FCHSD2: variants seen among roughly 807,000 people sequenced by gnomAD.
FCHSD2 encodes F-BAR and double SH3 domains protein 2.
FCHSD2 carries 38 observed loss-of-function variants against 108.1 expected under a neutral mutation model. The observed-to-expected ratio is 0.35, with a 90% CI of 0.27 to 0.46. The LOEUF is 0.46. Ranked by LOEUF, FCHSD2 falls within the 20% of genes least tolerant of loss-of-function variation. The pLI, the probability that FCHSD2 is intolerant of heterozygous loss-of-function variation, is 1.00. For missense variants in FCHSD2, 751 were observed against 897.8 expected, an observed-to-expected ratio of 0.84 and a Z score of 2.09; for synonymous variants, 279 against 314.7, an observed-to-expected ratio of 0.89 and a Z score of 1.20.
chr11:72,867,672 A>G (rs994284758), intron 13 of FCHSD2, among the ~76,000 whole-genome samples, 193 bp downstream of exon 13: 3 of 152,202 alleles, frequency 2.0e-5, no homozygotes, highest in Non-Finnish European at 4.4e-5. Flanking sequence ...ATTAAAAAAA[A>G]CACTCATTTT....
chr11:73,033,911 G>A (rs775685246), intron 3 of FCHSD2, among the ~76,000 whole-genome samples: 2 of 151,838 alleles, frequency 1.3e-5, no homozygotes, highest in Non-Finnish European at 2.9e-5. Flanking sequence ...GGTAAACAAC[G>A]CTTATGACAC....
At chr11:73,071,967 T>G (rs1051466820) in intron 3 of FCHSD2, among the ~76,000 whole-genome samples, 1 of 151,920 alleles carries the variant, frequency 6.6e-6, no homozygotes, top group Non-Finnish European at 1.5e-5. Flanking sequence ...TATAGAGAGG[T>G]TAAGACAGAG....
Position 73,038,522 on chromosome 11 carries a change from A to G in FCHSD2, c.166-22637T>C, listed in dbSNP as rs576801694. Among the ~76,000 whole-genome samples, 11 of 152,306 alleles carry G rather than the reference A, an allele frequency of 7.2e-5. No individual in the cohort carries two copies. In the East Asian group the frequency reaches 2.1e-3, roughly 29 times the overall value. ...AGCGTGGATACTATGCAGCCATGAA[A>G]AGAATGAAATCTTGTCCTTTGTAGC... On this transcript the variant is annotated intron_variant, in intron 3 of 19. Transcript: ENST00000409418.
rs545472967 is a variant in FCHSD2 at position 72,838,727 on chromosome 11, A to T, written c.*64T>A. The T allele has an allele frequency of 2.5e-5, 35 of 1,412,786 alleles. No homozygotes were observed. The Admixed American group carries it at 6.5e-4, about 26-fold the overall frequency. The allele number at this position is 1,412,786 out of a possible 1,614,324, so 87.5% of individuals were successfully genotyped here. A position where few individuals can be genotyped will look rare whatever the true frequency, so the allele number is the denominator to read the frequency against. ...ATCATCATGCAAAGGTGCCTAAAAA[A>T]CAAGACTGGCCAAACTCCAAGCCTG... is the stretch of plus-strand genomic sequence containing the variant. On this transcript the variant is annotated 3_prime_UTR_variant, in exon 20 of 20. Coordinates refer to ENST00000409418, the MANE Select transcript of FCHSD2 (RefSeq NM_014824.3).
chr11:73,114,187 G>T (rs780206892), intron 2 of FCHSD2, among the ~76,000 whole-genome samples: 1 of 151,878 alleles, frequency 6.6e-6, no homozygotes, highest in African/African-American at 2.4e-5. Flanking sequence ...TCCACAAGCA[G>T]AAGAGCTTCT....
At chr11:73,135,020 A>G (rs940943287) in intron 2 of FCHSD2, among the ~76,000 whole-genome samples, 2 of 152,022 alleles carry the variant, frequency 1.3e-5, no homozygotes, top group Non-Finnish European at 2.9e-5. Flanking sequence ...TGCACACCTA[A>G]TTTTTGTATT....
At chr11:73,007,820 T>C (rs1857773952) in intron 4 of FCHSD2, among the ~76,000 whole-genome samples, 1 of 152,206 alleles carries the variant, frequency 6.6e-6, no homozygotes, top group South Asian at 2.1e-4. Context: ...TGTATCAGTA[T>C]CAATTTCTTG....
rs142063236 is a variant in FCHSD2, at chr11:72,979,950, C to T, written c.705+4138G>A. Among the ~76,000 whole-genome samples, 667 of 152,170 alleles carry T rather than the reference C, an allele frequency of 4.4e-3. 6 individuals carry two copies. Among genetic ancestry groups the T allele is most frequent in the African/African-American group, 0.015 (635 of 41,534 alleles). ...AACTGCTAATGTAAGAACAGAATGT[C>T]CAGGAAATACGAAAAGAACATAAAA... On this transcript the variant is annotated intron_variant, in intron 8 of 19. Transcript: ENST00000409418.
chr11:72,889,769 C>T, intron 11 of FCHSD2, 60 bp downstream of exon 11: 1 of 952,050 alleles, frequency 1.1e-6, no homozygotes, highest in Non-Finnish European at 1.7e-6. Flanking sequence ...AACTCAGTTC[C>T]TTAAACTGTT....
At chr11:72,971,396 C>T (rs1857004371) in intron 8 of FCHSD2, among the ~76,000 whole-genome samples, 1 of 152,142 alleles carries the variant, frequency 6.6e-6, no homozygotes, top group South Asian at 2.1e-4. Flanking sequence ...AGAACATAAT[C>T]ACTCTTGTGA....
At chr11:72,903,762 A>G (rs569607790) in intron 9 of FCHSD2, among the ~76,000 whole-genome samples, 2 of 152,318 alleles carry the variant, frequency 1.3e-5, no homozygotes, top group Admixed American at 6.5e-5. Flanking sequence ...AGAAAAAAAA[A>G]GTTCAAAGTA....
intron 13 of FCHSD2, 120 bp downstream of exon 13, chr11:72,867,745 C>T (rs1854760514): frequency 2.5e-6 from 2 of 786,054 alleles, no homozygotes; most frequent in Non-Finnish European, 4.0e-6. Context: ...AGAATAAAAC[C>T]TAAATCACTA....
At chr11:73,060,931 A>C (rs1399890797) in intron 3 of FCHSD2, among the ~76,000 whole-genome samples, 1 of 152,230 alleles carries the variant, frequency 6.6e-6, no homozygotes, top group East Asian at 1.9e-4. Context: ...AGGAAGGCTG[A>C]AAAAATGCTA....
chr11:73,015,708 GAAGT>G, intron 4 of FCHSD2, 97 bp downstream of exon 4: 1 of 616,198 alleles, frequency 1.6e-6, no homozygotes, highest in East Asian at 3.1e-5. Context: ...GCAGAGGAAA[GAAGT>G]AATTCTTTTA....
At chr11:72,964,957 T>C (rs1216513798) in intron 8 of FCHSD2, among the ~76,000 whole-genome samples, 2 of 151,942 alleles carry the variant, frequency 1.3e-5, no homozygotes, top group African/African-American at 2.4e-5. Flanking sequence ...ACCCGGCTAA[T>C]TTTTTGTATT....
chr11:73,066,809 C>T lies in FCHSD2; in HGVS notation c.165+16886G>A, dbSNP rs956646001. ...TATTATCTCACGCCAGTTAGAATGG[C>T]GATCATTAAAAAGTCAGGAAACAAC... On this transcript the variant is annotated intron_variant, in intron 3 of 19. Transcript: ENST00000409418. 2.6e-5 allele frequency among the ~76,000 whole-genome samples: 4 copies of T among 152,070 alleles called. No homozygotes were observed. The South Asian group carries it at 6.2e-4, about 24-fold the overall frequency.
chr11:73,053,009 G>A (rs1317064032), intron 3 of FCHSD2, among the ~76,000 whole-genome samples: 1 of 151,936 alleles, frequency 6.6e-6, no homozygotes, highest in Admixed American at 6.6e-5. Flanking sequence ...ACCACACCTA[G>A]CTAATTTTTG....
rs182424320 is a variant in FCHSD2 at position 72,972,540 on chromosome 11, T to C, written c.705+11548A>G. On this transcript the variant is annotated intron_variant, in intron 8 of 19. Coordinates refer to ENST00000409418, the MANE Select transcript of FCHSD2 (RefSeq NM_014824.3). ...CTTTAACCAAATAACTTCCCTTTTA[T>C]CTGCTTTATATATAAAGATTCCATG... Among the ~76,000 whole-genome samples the C allele has an allele frequency of 3.2e-4, 49 of 152,350 alleles. 1 individual carries two copies. Among genetic ancestry groups the C allele is most frequent in the African/African-American group, 1.1e-3 (47 of 41,580 alleles).
chr11:72,933,883 C>T lies in FCHSD2; in HGVS notation c.706-11933G>A, dbSNP rs187733491. Among the ~76,000 whole-genome samples, 192 of 151,990 alleles carry T rather than the reference C, an allele frequency of 1.3e-3. 1 individual carries two copies. Among genetic ancestry groups the T allele is most frequent in the African/African-American group, 4.1e-3 (172 of 41,478 alleles). The stretch of plus-strand genomic sequence containing the variant: ...CAACACTTTTGGAGGCTTAGGTGGG[C>T]GTATCACTTGAGCCCAGGAGTTCAA... On this transcript the variant is annotated intron_variant, in intron 8 of 19. Coordinates refer to ENST00000409418, the MANE Select transcript of FCHSD2 (RefSeq NM_014824.3).
Sources: allele counts gnomAD v4.1 joint callset (sites outside exome capture counted in the v4.1 genomes callset), GRCh38; gene constraint gnomAD v4.1.1; transcripts MANE v1.5; gene names NCBI Gene and HGNC (gene_info 2026-07-23, HGNC 2026-07-21).